The following MYO3B variants were observed in gnomAD, a reference collection of about 807,000 sequenced individuals.
MYO3B encodes myosin-IIIb.
Under a neutral mutation model 174.6 loss-of-function variants are expected in MYO3B, and 156 were observed. The ratio of observed to expected loss-of-function variants is 0.89; its 90% CI spans 0.78 to 1.02. The LOEUF (loss-of-function observed/expected upper bound fraction) is 1.02, where lower values mean the gene tolerates loss of function less well. Among genes scored for constraint, MYO3B ranks in the 50% least tolerant of loss-of-function variants. The pLI is 0.00. For missense variants in MYO3B, 1,632 were observed against 1,639.4 expected, an observed-to-expected ratio of 1.00 and a Z score of 0.08; for synonymous variants, 563 against 569.1, an observed-to-expected ratio of 0.99 and a Z score of 0.15.
At chr2:170,222,493 C>T (rs939776379) in intron 6 of MYO3B, among the ~76,000 whole-genome samples, 25 of 152,154 alleles carry the variant, frequency 1.6e-4, no homozygotes, top group African/African-American at 6.0e-4. Flanking sequence ...TTTGTCTCTT[C>T]CCAGCTACTG....
intron 3 of MYO3B, among the ~76,000 whole-genome samples, chr2:170,211,065 G>A (rs923253221): frequency 4.6e-5 from 7 of 152,174 alleles, no homozygotes; most frequent in African/African-American, 1.7e-4. Context: ...GGCAAAATCA[G>A]AGTTTGAGAG....
chr2:170,487,660 G>T (rs1686153300), intron 25 of MYO3B, among the ~76,000 whole-genome samples: 1 of 152,146 alleles, frequency 6.6e-6, no homozygotes, highest in Non-Finnish European at 1.5e-5. Flanking sequence ...ATTGACTTAG[G>T]GCTGTGCAGA....
intron 1 of MYO3B, among the ~76,000 whole-genome samples, chr2:170,180,380 A>G (rs947376519): frequency 1.1e-4 from 17 of 152,200 alleles, no homozygotes; most frequent in Admixed American, 3.9e-4. Context: ...CAGGCCTCAG[A>G]GGGCCAAGAT....
intron 28 of MYO3B, among the ~76,000 whole-genome samples, chr2:170,511,727 G>A (rs1688004412): frequency 6.6e-6 from 1 of 152,184 alleles, no homozygotes; most frequent in Non-Finnish European, 1.5e-5. Context: ...CAGTCTGCTA[G>A]ATTCTTTTGG....
At chr2:170,200,343 GC>G (rs2092647851) in intron 3 of MYO3B, 59 bp downstream of exon 3, 1 of 1,569,978 alleles carries the variant, frequency 6.4e-7, no homozygotes, top group Non-Finnish European at 8.6e-7. Flanking sequence ...GCCAACAGAT[GC>G]TTTATTACCT....
At chr2:170,565,133 T>A (rs1020159525) in intron 32 of MYO3B, among the ~76,000 whole-genome samples, 1 of 152,006 alleles carries the variant, frequency 6.6e-6, no homozygotes, top group Non-Finnish European at 1.5e-5. Flanking sequence ...GAGAAATAAA[T>A]TTTTTTTGCA....
chr2:170,559,593 A>G lies in MYO3B; in HGVS notation c.3733+15605A>G, dbSNP rs555689751. 3.3e-5 allele frequency among the ~76,000 whole-genome samples: 5 copies of G among 152,316 alleles called. No homozygotes were observed. The South Asian group carries it at 8.3e-4, about 25-fold the overall frequency. ...TTGCAATTTTTTAAAAAGAACAGAT[A>G]TATCTCTTATTAAACAAACTATAAA... On this transcript the variant is annotated intron_variant, in intron 32 of 34. Coordinates refer to ENST00000408978, the MANE Select transcript of MYO3B (RefSeq NM_138995.5).
chr2:170,555,155 G>A (rs1220784006), intron 32 of MYO3B, among the ~76,000 whole-genome samples: 1 of 152,116 alleles, frequency 6.6e-6, no homozygotes, highest in Non-Finnish European at 1.5e-5. Context: ...GAAATATTGA[G>A]CTTAAAGTAC....
chr2:170,189,404 TA>T (rs1426922537), intron 1 of MYO3B, among the ~76,000 whole-genome samples: 1 of 152,158 alleles, frequency 6.6e-6, no homozygotes, highest in Non-Finnish European at 1.5e-5. Flanking sequence ...TCCCTTTGAA[TA>T]AACATTCTAC....
At chr2:170,337,185 G>A (rs1558902314) in intron 8 of MYO3B, among the ~76,000 whole-genome samples, 1 of 152,050 alleles carries the variant, frequency 6.6e-6, no homozygotes, top group African/African-American at 2.4e-5. Context: ...ACCCAAAAGA[G>A]TAGGTGGAGG....
At chr2:170,472,958 C>T (rs757803914) in intron 25 of MYO3B, among the ~76,000 whole-genome samples, 7 of 151,766 alleles carry the variant, frequency 4.6e-5, no homozygotes, top group South Asian at 2.1e-4. Flanking sequence ...GCCTCAGCCT[C>T]GCAAACTGGT....
At chr2:170,406,975 A>G (rs1432421959) in intron 21 of MYO3B, among the ~76,000 whole-genome samples, 2 of 152,150 alleles carry the variant, frequency 1.3e-5, no homozygotes, top group Non-Finnish European at 2.9e-5. Context: ...CTGAGTTTTG[A>G]TACCTACCTA....
chr2:170,393,464 C>G (rs185574945), intron 16 of MYO3B, among the ~76,000 whole-genome samples: 40 of 152,072 alleles, frequency 2.6e-4, no homozygotes, highest in Admixed American at 1.8e-3. Flanking sequence ...ATATTTATAA[C>G]CCTAGGCTCA....
At chr2:170,314,867 C>T (rs1249704607) in intron 7 of MYO3B, among the ~76,000 whole-genome samples, 1 of 152,186 alleles carries the variant, frequency 6.6e-6, no homozygotes, top group Non-Finnish European at 1.5e-5. Context: ...AGCTGTATTA[C>T]TCAATGTTGT....
At chr2:170,223,502 A>G (rs1182764556) in intron 6 of MYO3B, among the ~76,000 whole-genome samples, 2 of 152,238 alleles carry the variant, frequency 1.3e-5, no homozygotes, top group South Asian at 2.1e-4. Flanking sequence ...CCAAGTGTCC[A>G]TAGACACAGA....
chr2:170,304,926 A>G (rs2093691013), intron 7 of MYO3B, among the ~76,000 whole-genome samples: 1 of 150,620 alleles, frequency 6.6e-6, no homozygotes, highest in South Asian at 2.1e-4. Context: ...TAAGAATCTG[A>G]CATTTTAATA....
At chr2:170,469,042 A>G (rs1271952544) in intron 25 of MYO3B, among the ~76,000 whole-genome samples, 3 of 152,142 alleles carry the variant, frequency 2.0e-5, no homozygotes, top group Non-Finnish European at 4.4e-5. Context: ...AGGCTGAGCC[A>G]GGAGAATCGC....
At chr2:170,544,798 A>G (rs111446386) in intron 32 of MYO3B, among the ~76,000 whole-genome samples, 3 of 152,340 alleles carry the variant, frequency 2.0e-5, no homozygotes, top group African/African-American at 7.2e-5. Context: ...TGGGTCCATT[A>G]TAGCAGAACC....
At chr2:170,414,818 A>C (rs141988675) in intron 22 of MYO3B, among the ~76,000 whole-genome samples, 1,822 of 152,288 alleles carry the variant, frequency 0.012, 51 homozygotes, top group African/African-American at 0.042. Context: ...ATAATGAAGT[A>C]TTTCAGTTTA....
Sources: allele counts gnomAD v4.1 joint callset (sites outside exome capture counted in the v4.1 genomes callset), GRCh38; gene constraint gnomAD v4.1.1; transcripts MANE v1.5; gene names NCBI Gene and HGNC (gene_info 2026-07-23, HGNC 2026-07-21).